EPHA6: variants seen among roughly 807,000 people sequenced by gnomAD.
EPHA6 encodes the protein EPH receptor A6.
A neutral mutation model predicts 112.0 loss-of-function variants in EPHA6; 50 were observed. That is an observed-to-expected ratio of 0.45 (90% confidence interval 0.36 to 0.56). The LOEUF (loss-of-function observed/expected upper bound fraction) is 0.56, where lower values mean the gene tolerates loss of function less well. EPHA6 is among the 20% of genes least tolerant of loss of function. The probability of loss-of-function intolerance (pLI) is 0.00; values close to 1 mark genes in which losing one functional copy is unlikely to be tolerated. For missense variants in EPHA6, 1,280 were observed against 1,417.4 expected (o/e 0.90, Z 1.56); for synonymous variants, 529 against 490.7 (o/e 1.08, Z -1.03).
chr3:97,367,019 A>G (rs2108962372), intron 5 of EPHA6, among the ~76,000 whole-genome samples: 1 of 152,274 alleles, frequency 6.6e-6, no homozygotes, highest in East Asian at 1.9e-4. Flanking sequence ...TGACAGATGA[A>G]GAAATAGTGG....
chr3:97,427,665 G>A (rs753558908), intron 6 of EPHA6, among the ~76,000 whole-genome samples: 1 of 151,056 alleles, frequency 6.6e-6, no homozygotes, highest in Non-Finnish European at 1.5e-5. Context: ...TAACAAAACT[G>A]CACATGTATC....
intron 2 of EPHA6, among the ~76,000 whole-genome samples, chr3:96,895,274 T>A (rs561241973): frequency 1.3e-5 from 2 of 151,200 alleles, no homozygotes; most frequent in African/African-American, 4.9e-5. Context: ...TCACAAAAAA[T>A]TAAAAAAATA....
At chr3:97,710,199 C>G (rs2033894189) in intron 14 of EPHA6, among the ~76,000 whole-genome samples, 1 of 152,200 alleles carries the variant, frequency 6.6e-6, no homozygotes, top group East Asian at 1.9e-4. Context: ...TTCAGTCTTT[C>G]AGATGACTGT....
chr3:97,641,489 A>G (rs914232749), intron 14 of EPHA6, among the ~76,000 whole-genome samples: 1 of 152,194 alleles, frequency 6.6e-6, no homozygotes, highest in Non-Finnish European at 1.5e-5. Flanking sequence ...AGCGTGAGCG[A>G]CGCAGAAGAC....
intron 11 of EPHA6, among the ~76,000 whole-genome samples, chr3:97,585,904 T>C (rs2107312464): frequency 6.6e-6 from 1 of 152,322 alleles, no homozygotes; most frequent in African/African-American, 2.4e-5. Context: ...GCAATAAATA[T>C]TTATGGAATA....
intron 13 of EPHA6, among the ~76,000 whole-genome samples, chr3:97,617,022 C>G (rs2093772188): frequency 6.6e-6 from 1 of 152,096 alleles, no homozygotes; most frequent in Non-Finnish European, 1.5e-5. Flanking sequence ...ATGTTAATGG[C>G]AGTCAGAGAG....
chr3:97,746,776 T>C (rs551011481), intron 16 of EPHA6, among the ~76,000 whole-genome samples: 8 of 151,952 alleles, frequency 5.3e-5, no homozygotes, highest in Non-Finnish European at 1.2e-4. Flanking sequence ...TTGTGCCTTA[T>C]TAATATCTGT....
chr3:97,433,522 G>A (rs982087178), intron 6 of EPHA6, among the ~76,000 whole-genome samples: 6 of 151,952 alleles, frequency 3.9e-5, no homozygotes, highest in African/African-American at 1.2e-4. Flanking sequence ...AGATAATAAG[G>A]GCATGCAAGG....
At chr3:96,930,810 G>T (rs1242870977) in intron 2 of EPHA6, among the ~76,000 whole-genome samples, 1 of 151,834 alleles carries the variant, frequency 6.6e-6, no homozygotes, top group East Asian at 1.9e-4. Context: ...TGGACAACAT[G>T]GTGAAAACCC....
intron 2 of EPHA6, among the ~76,000 whole-genome samples, chr3:96,894,515 A>C (rs1025030257): frequency 6.6e-6 from 1 of 152,046 alleles, no homozygotes; most frequent in Non-Finnish European, 1.5e-5. Flanking sequence ...ACCAAGGAAT[A>C]CACCGAGAAA....
chr3:97,172,987 G>A (rs2076740179), intron 3 of EPHA6, among the ~76,000 whole-genome samples: 1 of 151,840 alleles, frequency 6.6e-6, no homozygotes, highest in Non-Finnish European at 1.5e-5. Context: ...TTTATTTCAG[G>A]AGCTTATAGA....
intron 11 of EPHA6, among the ~76,000 whole-genome samples, chr3:97,580,145 G>T (rs1481922301): frequency 6.6e-6 from 1 of 152,160 alleles, no homozygotes; most frequent in Admixed American, 6.5e-5. Context: ...TTTGAAAGTG[G>T]CTGGGTGCCC....
intron 4 of EPHA6, among the ~76,000 whole-genome samples, chr3:97,230,089 A>ACAGACCTGT (rs2078480791): frequency 1.3e-5 from 2 of 152,290 alleles, no homozygotes; most frequent in South Asian, 4.1e-4. Flanking sequence ...TCAAATAGTT[A>ACAGACCTGT]CAGACCTGTC....
At chr3:97,080,685 A>G (rs1214904002) in intron 3 of EPHA6, among the ~76,000 whole-genome samples, 1 of 152,126 alleles carries the variant, frequency 6.6e-6, no homozygotes, top group Admixed American at 6.6e-5. Context: ...CATAGTGCTT[A>G]TATATAAAGT....
At chr3:97,180,699 T>C (rs1023223051) in intron 3 of EPHA6, among the ~76,000 whole-genome samples, 12 of 152,068 alleles carry the variant, frequency 7.9e-5, no homozygotes, top group Non-Finnish European at 2.9e-5. Context: ...TGATGCCCTA[T>C]CCTGCTATGG....
chr3:97,148,101 C>T (rs1447888939), intron 3 of EPHA6, among the ~76,000 whole-genome samples: 2 of 152,018 alleles, frequency 1.3e-5, no homozygotes, highest in Admixed American at 6.6e-5. Context: ...ATTGTTAACA[C>T]AGCATAATAT....
At chr3:97,237,031 T>C (rs1453566508) in intron 4 of EPHA6, among the ~76,000 whole-genome samples, 7 of 151,916 alleles carry the variant, frequency 4.6e-5, no homozygotes, top group Non-Finnish European at 7.4e-5. Flanking sequence ...AGAAAACCAT[T>C]TTGGCCCTCT....
intron 2 of EPHA6, among the ~76,000 whole-genome samples, chr3:96,944,084 C>G (rs1177587606): frequency 1.3e-5 from 2 of 152,086 alleles, no homozygotes; most frequent in Non-Finnish European, 2.9e-5. Flanking sequence ...TATATGTTGT[C>G]TCAGTTAACT....
intron 4 of EPHA6, among the ~76,000 whole-genome samples, chr3:97,231,569 C>T (rs1028994391): frequency 6.6e-6 from 1 of 152,032 alleles, no homozygotes; most frequent in Non-Finnish European, 1.5e-5. Context: ...AGTTTATATA[C>T]CCTCTTTGTA....
Sources: allele counts gnomAD v4.1 joint callset (sites outside exome capture counted in the v4.1 genomes callset), GRCh38; gene constraint gnomAD v4.1.1; transcripts MANE v1.5; gene names NCBI Gene and HGNC (gene_info 2026-07-23, HGNC 2026-07-21).